The following CCDC14 variants were observed in gnomAD, a reference collection of about 807,000 sequenced individuals.
The protein encoded by CCDC14 is coiled-coil domain containing 14.
CCDC14 carries 71 observed loss-of-function variants against 81.4 expected under a neutral mutation model. The ratio of observed to expected loss-of-function variants is 0.87; its 90% CI spans 0.72 to 1.06. The LOEUF is 1.06. Among genes scored for constraint, CCDC14 ranks in the 50% least tolerant of loss-of-function variants. The pLI, the probability that CCDC14 is intolerant of heterozygous loss-of-function variation, is 0.00. For missense variants in CCDC14, 1,046 were observed against 1,047.3 expected (o/e 1.00, Z 0.02); for synonymous variants, 332 against 364.8 (o/e 0.91, Z 1.03).
downstream of CCDC14, chr3:123,897,457 A>T (rs946369792): frequency 5.0e-6 from 1 of 199,564 alleles, no homozygotes; most frequent in African/African-American, 2.3e-5. Context: ...CCCAGATTCC[A>T]AGGAGGTGAC....
At chr3:123,890,210 A>T in the CCDC14 span, among the ~76,000 whole-genome samples, 3 of 152,300 alleles carry the variant, frequency 2.0e-5, no homozygotes, top group Non-Finnish European at 2.9e-5. Context: ...CATGGGAATT[A>T]TGGGAGCTAC....
chr3:123,930,820 T>G (rs1451892851), intron 12 of CCDC14: 2 of 276,508 alleles, frequency 7.2e-6, no homozygotes, highest in Non-Finnish European at 1.3e-5. Context: ...CTCTCTAGCT[T>G]CAGAACCAGA....
intron 9 of CCDC14, among the ~76,000 whole-genome samples, chr3:123,943,645 G>A (rs1419538623): frequency 1.3e-5 from 2 of 152,068 alleles, no homozygotes; most frequent in African/African-American, 4.8e-5. Flanking sequence ...TCCCCACTCT[G>A]TCTATTAGAT....
rs1398960248 is a variant in CCDC14, at chr3:123,961,174, C to A, written c.-1G>T. On this transcript the variant is annotated 5_prime_UTR_variant, in exon 1 of 13. Transcript: ENST00000409697. ...CCGGTCGAGCTCCAGACCTGACCAT[C>A]TCTCGCCGCCTCAGAGAAGCCCAGA... 6.4e-7 allele frequency: 1 copy of A among 1,551,504 alleles called. No individual in the cohort carries two copies. The highest frequency in any genetic ancestry group is 8.7e-7 in the Non-Finnish European group (1 of 1,147,000).
At chr3:123,922,403 C>G (rs1421602086) in intron 12 of CCDC14, among the ~76,000 whole-genome samples, 1 of 151,676 alleles carries the variant, frequency 6.6e-6, no homozygotes, top group African/African-American at 2.4e-5. Flanking sequence ...ACTAGAAAAA[C>G]AATAGGAAAA....
intron 1 of CCDC14, chr3:123,957,994 T>C (rs1336293826): frequency 3.3e-5 from 5 of 152,108 alleles, no homozygotes; most frequent in Non-Finnish European, 7.4e-5. Flanking sequence ...TGCTTGAATA[T>C]GTGCTCCATC....
chr3:123,890,860 A>T, the CCDC14 span, among the ~76,000 whole-genome samples: 1 of 152,182 alleles, frequency 6.6e-6, no homozygotes, highest in Non-Finnish European at 1.5e-5. Flanking sequence ...CTCTGACCTC[A>T]CATTTCCCTC....
chr3:123,950,839 AAT>A (rs2036972535), intron 5 of CCDC14, among the ~76,000 whole-genome samples: 1 of 152,224 alleles, frequency 6.6e-6, no homozygotes, highest in Non-Finnish European at 1.5e-5. Flanking sequence ...GAATCCCTCA[AAT>A]ATAGTTTATT....
chr3:123,955,994 CA>C, intron 4 of CCDC14, 29 bp from the exon 5 acceptor site: 2 of 1,523,080 alleles, frequency 1.3e-6, no homozygotes. Context: ...TTTGTTACAT[CA>C]AAATAATGAC....
intron 9 of CCDC14, among the ~76,000 whole-genome samples, chr3:123,936,728 A>T (rs1262472589): frequency 5.3e-5 from 8 of 152,084 alleles, no homozygotes; most frequent in African/African-American, 1.9e-4. Flanking sequence ...AGCAGAAAAG[A>T]TAACTATTGT....
At position 123,913,600 on chromosome 3, in the gene CCDC14, C is replaced by A; in HGVS notation, c.*1179G>T. On this transcript the variant is annotated 3_prime_UTR_variant, in exon 13 of 13. Transcript: ENST00000409697. ...ACTTAATAAATTTTTAGACTTAAAT[C>A]TCTATCTGGAAAATCTGAACATATC... is the stretch of plus-strand genomic sequence containing the variant. 1 of 983,430 alleles carries A rather than the reference C, an allele frequency of 1.0e-6. No individual in the cohort carries two copies. Among genetic ancestry groups the A allele is most frequent in the Non-Finnish European group, 1.2e-6 (1 of 829,180 alleles). The allele number at this position is 983,430 out of a possible 1,614,324, so 60.9% of individuals were successfully genotyped here. A position where few individuals can be genotyped will look rare whatever the true frequency, so the allele number is the denominator to read the frequency against.
chr3:123,915,017 T>A lies in CCDC14; in HGVS notation c.2480A>T (p.Glu827Val), dbSNP rs368681483. The change falls in exon 13 of 13, where the codon GAG (glutamate) becomes GTG (valine). Residue 827 changes from glutamate to valine, a missense_variant. By Grantham distance (121) the Glu-to-Val change is moderately radical. Transcript: ENST00000409697. ...TGGGCCATGACATGCAGTTTGTTCC[T>A]CTGGCTCCTTGGTGGCAGCAGGGAT... is the stretch of plus-strand genomic sequence containing the variant. ...GKIPAATKEP[E>V]EQTACHGPSG... The A allele has an allele frequency of 1.5e-4, 248 of 1,613,904 alleles. No homozygotes were observed. The highest frequency in any genetic ancestry group is 2.1e-4 in the Non-Finnish European group (242 of 1,179,900).
At chr3:123,938,596 T>C (rs1042965397) in intron 9 of CCDC14, among the ~76,000 whole-genome samples, 1 of 151,938 alleles carries the variant, frequency 6.6e-6, no homozygotes, top group Non-Finnish European at 1.5e-5. Context: ...TTATTTCTTC[T>C]TGCCTTACTG....
chr3:123,952,301 T>C (rs2037066568), intron 5 of CCDC14, among the ~76,000 whole-genome samples: 1 of 152,172 alleles, frequency 6.6e-6, no homozygotes, highest in Non-Finnish European at 1.5e-5. Flanking sequence ...TAAGAGCCAC[T>C]AGATGCCTAC....
chr3:123,944,427 C>A (rs924696659), intron 9 of CCDC14, among the ~76,000 whole-genome samples: 1 of 152,094 alleles, frequency 6.6e-6, no homozygotes, highest in African/African-American at 2.4e-5. Flanking sequence ...GAGACAGTGG[C>A]TTCATAAAAT....
At position 123,931,313 on chromosome 3, in the gene CCDC14, T is replaced by G; in HGVS notation, c.1640A>C (p.Lys547Thr). The change falls in exon 11 of 13, where the codon AAA becomes ACA. Residue 547 changes from lysine (K) to threonine (T), a missense_variant. Transcript: ENST00000409697. The part of the protein sequence containing the change: ...QQYDIEITRI[K>T]IELEEALVNV... ...ACTACTGTCTAAATACGTACCAATTTTTATTCTTGTTATCTCAATATCATA... is the reference window on the plus strand; with the variant it reads ...ACTACTGTCTAAATACGTACCAATTGTTATTCTTGTTATCTCAATATCATA... 1 of 1,538,008 alleles carries G rather than the reference T, an allele frequency of 6.5e-7. No individual in the cohort carries two copies. Among genetic ancestry groups the G allele is most frequent in the Non-Finnish European group, 8.8e-7 (1 of 1,133,590 alleles).
At chr3:123,953,774 T>C (rs2037170973) in intron 5 of CCDC14, 1 of 152,102 alleles carries the variant, frequency 6.6e-6, no homozygotes, top group Non-Finnish European at 1.5e-5. Context: ...CTTCTCAAGG[T>C]AGCGTATTCT....
At chr3:123,906,192 T>C (rs1409335153) in intron 5 of CCDC14, among the ~76,000 whole-genome samples, 1 of 152,000 alleles carries the variant, frequency 6.6e-6, no homozygotes, top group Non-Finnish European at 1.5e-5. Flanking sequence ...TAGCCAGGCG[T>C]GGTGGTGGGC....
intron 1 of CCDC14, among the ~76,000 whole-genome samples, chr3:123,960,145 A>C (rs2037592790): frequency 6.6e-6 from 1 of 152,204 alleles, no homozygotes; most frequent in Non-Finnish European, 1.5e-5. Flanking sequence ...TTTTACACTT[A>C]CTTCTACGAG....
Sources: gnomAD v4.1 joint callset for allele counts (sites outside exome capture counted in the v4.1 genomes callset) on GRCh38, gnomAD v4.1.1 for gene constraint, MANE v1.5 for transcripts, NCBI Gene and HGNC (gene_info 2026-07-23, HGNC 2026-07-21) for gene names.